Variants in FYN observed in about 807,000 individuals in gnomAD.
FYN encodes the protein FYN proto-oncogene, Src family tyrosine kinase, also known as tyrosine-protein kinase Fyn.
Under a neutral mutation model 70.2 loss-of-function variants are expected in FYN, and 10 were observed. That is an observed-to-expected ratio of 0.14 (90% confidence interval 0.09 to 0.24). The LOEUF is 0.24. FYN is among the 10% of genes least tolerant of loss of function. The probability of loss-of-function intolerance (pLI) is 1.00; values close to 1 mark genes in which losing one functional copy is unlikely to be tolerated. For missense variants in FYN, 319 were observed against 673.1 expected (o/e 0.47, Z 5.82); for synonymous variants, 236 against 248.6 (o/e 0.95, Z 0.48).
chr6:111,829,427 G>A (rs970348595), intron 2 of FYN, among the ~76,000 whole-genome samples: 13 of 152,322 alleles, frequency 8.5e-5, no homozygotes, highest in East Asian at 5.8e-4. Context: ...TATTCAAAAC[G>A]TAGGATAATT....
At chr6:111,814,617 T>C (rs921318147) in intron 2 of FYN, among the ~76,000 whole-genome samples, 3 of 152,084 alleles carry the variant, frequency 2.0e-5, no homozygotes, top group Non-Finnish European at 4.4e-5. Flanking sequence ...AAATATTATA[T>C]AAACCTAAAT....
intron 1 of FYN, among the ~76,000 whole-genome samples, chr6:111,854,556 C>T (rs187697372): frequency 9.5e-4 from 144 of 152,310 alleles, no homozygotes; most frequent in African/African-American, 3.3e-3. Context: ...ATAGGTTAGG[C>T]ATACATGAAA....
At chr6:111,767,144 T>C (rs1327248154) in intron 3 of FYN, among the ~76,000 whole-genome samples, 1 of 152,218 alleles carries the variant, frequency 6.6e-6, no homozygotes, top group Non-Finnish European at 1.5e-5. Flanking sequence ...AATGCTGTTT[T>C]CTGTGTCTAC....
intron 3 of FYN, among the ~76,000 whole-genome samples, chr6:111,729,575 G>A (rs1801352654): frequency 6.6e-6 from 1 of 151,970 alleles, no homozygotes; most frequent in South Asian, 2.1e-4. Flanking sequence ...GTTCTATGAA[G>A]TATTATTTAT....
chr6:111,762,932 G>T (rs1184465139), intron 3 of FYN, among the ~76,000 whole-genome samples: 1 of 152,090 alleles, frequency 6.6e-6, no homozygotes, highest in African/African-American at 2.4e-5. Context: ...CTGTGACTCT[G>T]ACTCCTTTGA....
At chr6:111,699,593 C>G in intron 9 of FYN, 1 of 1,614,174 alleles carries the variant, frequency 6.2e-7, no homozygotes, top group East Asian at 2.2e-5. Context: ...TCCCAAGCAT[C>G]TTTAGCCAAT....
intron 5 of FYN, among the ~76,000 whole-genome samples, chr6:111,710,761 T>C (rs1485423154): frequency 6.6e-6 from 1 of 152,192 alleles, no homozygotes; most frequent in Admixed American, 6.5e-5. Context: ...CACCTATAAA[T>C]AGATATACTC....
At chr6:111,690,637 A>G (rs1379192360) in intron 12 of FYN, among the ~76,000 whole-genome samples, 2 of 152,208 alleles carry the variant, frequency 1.3e-5, no homozygotes, top group African/African-American at 4.8e-5. Flanking sequence ...AGATATACCA[A>G]CAGTAACAAG....
chr6:111,841,606 C>T (rs972287962), intron 2 of FYN, among the ~76,000 whole-genome samples: 1 of 152,174 alleles, frequency 6.6e-6, no homozygotes, highest in African/African-American at 2.4e-5. Flanking sequence ...GGTTGGCCTA[C>T]CAGTGTTCGT....
At chr6:111,671,565 A>G (rs1276932549) in intron 13 of FYN, among the ~76,000 whole-genome samples, 2 of 152,064 alleles carry the variant, frequency 1.3e-5, no homozygotes, top group African/African-American at 4.8e-5. Flanking sequence ...TTCAAAATAT[A>G]CTCTAGCCAA....
chr6:111,848,704 G>T (rs553830304), intron 1 of FYN, among the ~76,000 whole-genome samples: 2 of 152,176 alleles, frequency 1.3e-5, no homozygotes, highest in South Asian at 4.1e-4. Flanking sequence ...AAGGATGGAC[G>T]CAAAATAGAA....
At chr6:111,810,176 A>G (rs1424151694) in intron 2 of FYN, among the ~76,000 whole-genome samples, 1 of 152,224 alleles carries the variant, frequency 6.6e-6, no homozygotes, top group Non-Finnish European at 1.5e-5. Flanking sequence ...TAAGGTTTAA[A>G]GATTTATATC....
At chr6:111,779,655 T>C (rs1314890406) in intron 3 of FYN, among the ~76,000 whole-genome samples, 1 of 152,126 alleles carries the variant, frequency 6.6e-6, no homozygotes, top group Non-Finnish European at 1.5e-5. Flanking sequence ...CACAGGTTCT[T>C]ATGAAGTGAA....
intron 1 of FYN, among the ~76,000 whole-genome samples, chr6:111,858,705 A>G (rs1773885619): frequency 6.6e-6 from 1 of 152,114 alleles, no homozygotes; most frequent in South Asian, 2.1e-4. Context: ...CCTAGCTTCA[A>G]TGGGGGAGAC....
Position 111,747,951 on chromosome 6 carries a change from A to C in FYN, c.-11-27889T>G, listed in dbSNP as rs1289184816. 2.0e-5 allele frequency among the ~76,000 whole-genome samples: 3 copies of C among 152,232 alleles called. No homozygotes were observed. The East Asian group carries it at 5.8e-4, about 29-fold the overall frequency. On this transcript the variant is annotated intron_variant, in intron 3 of 13. Coordinates refer to ENST00000354650, the MANE Select transcript of FYN (RefSeq NM_002037.5). Reference sequence around the variant, plus strand: ...TAAAACAGCCTCAGCGTCTATACTCATTCATTACTATTCCATGTGTTTCCT... The same window carrying C: ...TAAAACAGCCTCAGCGTCTATACTCCTTCATTACTATTCCATGTGTTTCCT...
At chr6:111,814,939 A>G (rs9398284) in intron 2 of FYN, among the ~76,000 whole-genome samples, 5,286 of 152,314 alleles carry the variant, frequency 0.035, 147 homozygotes, top group East Asian at 0.14. Flanking sequence ...ATAATCTCAA[A>G]TAGGCAAGGC....
intron 9 of FYN, among the ~76,000 whole-genome samples, chr6:111,697,406 T>C (rs893927192): frequency 1.3e-5 from 2 of 152,220 alleles, no homozygotes; most frequent in African/African-American, 4.8e-5. Flanking sequence ...ATTTTCTATT[T>C]GAAAAAGAAG....
intron 3 of FYN, among the ~76,000 whole-genome samples, chr6:111,767,491 TC>T (rs1803272996): frequency 6.6e-6 from 1 of 152,174 alleles, no homozygotes; most frequent in Non-Finnish European, 1.5e-5. Flanking sequence ...AACCTCTGCC[TC>T]CCGGGTTCAA....
chr6:111,747,450 T>C (rs1280971457), intron 3 of FYN, among the ~76,000 whole-genome samples: 1 of 152,184 alleles, frequency 6.6e-6, no homozygotes, highest in African/African-American at 2.4e-5. Context: ...ATAAACAAAA[T>C]AACATCTAAA....
Sources: gnomAD v4.1 joint callset for allele counts (sites outside exome capture counted in the v4.1 genomes callset) on GRCh38, gnomAD v4.1.1 for gene constraint, MANE v1.5 for transcripts, NCBI Gene and HGNC (gene_info 2026-07-23, HGNC 2026-07-21) for gene names.